Variants in NBAS observed in about 807,000 individuals in gnomAD.
The protein encoded by NBAS is NAG/BC035112 fusion.
NBAS carries 219 observed loss-of-function variants against 302.5 expected under a neutral mutation model. The observed-to-expected ratio is 0.72, with a 90% CI of 0.65 to 0.81. The LOEUF is 0.81. Among genes scored for constraint, NBAS ranks in the 30% least tolerant of loss-of-function variants. The pLI is 0.00. For missense variants in NBAS, 2,932 were observed against 2,841.6 expected, an observed-to-expected ratio of 1.03 and a Z score of -0.72; for synonymous variants, 1,118 against 1,021.6, an observed-to-expected ratio of 1.09 and a Z score of -1.80.
At chr2:15,532,942 C>A (rs1663292539) in intron 9 of NBAS, among the ~76,000 whole-genome samples, 1 of 151,742 alleles carries the variant, frequency 6.6e-6, no homozygotes, top group African/African-American at 2.4e-5. Context: ...CAACAAACCC[C>A]CTATCAAAAG....
chr2:15,287,295 G>A (rs1670090531), intron 41 of NBAS, 112 bp from the exon 42 acceptor site: 4 of 784,998 alleles, frequency 5.1e-6, no homozygotes, highest in Non-Finnish European at 6.7e-6. Flanking sequence ...TGCAAGCAGT[G>A]TGGTCCTTAA....
chr2:15,523,494 T>C (rs921509145), intron 9 of NBAS, among the ~76,000 whole-genome samples: 4 of 152,154 alleles, frequency 2.6e-5, no homozygotes, highest in African/African-American at 7.2e-5. Flanking sequence ...AGGATGTGCA[T>C]AGATTATATG....
the NBAS span, among the ~76,000 whole-genome samples, chr2:15,091,548 T>C: frequency 2.6e-5 from 4 of 152,102 alleles, no homozygotes; most frequent in African/African-American, 4.8e-5. Flanking sequence ...TCTTTTTTTT[T>C]TTGAGTTGGA....
intron 9 of NBAS, among the ~76,000 whole-genome samples, chr2:15,522,341 T>C (rs1004641969): frequency 6.6e-6 from 1 of 152,114 alleles, no homozygotes; most frequent in Non-Finnish European, 1.5e-5. Context: ...TTGAGAATTA[T>C]CTAACATAAA....
rs1043476990 is a variant in NBAS, at chr2:15,299,343, G to A, written c.4798-6577C>T. On this transcript the variant is annotated intron_variant, in intron 40 of 51. Coordinates refer to ENST00000281513, the MANE Select transcript of NBAS (RefSeq NM_015909.4). ...CTTTAAAGAATATGGTCAAATCCCC[G>A]TAAAAACAAAATGTGCATAAATATT... 6.4e-4 allele frequency among the ~76,000 whole-genome samples: 98 copies of A among 152,076 alleles called. 1 individual carries two copies. Among genetic ancestry groups the A allele is most frequent in the African/African-American group, 1.4e-4 (6 of 41,414 alleles).
intron 9 of NBAS, among the ~76,000 whole-genome samples, chr2:15,524,726 G>A (rs573966582): frequency 1.1e-4 from 16 of 152,120 alleles, no homozygotes; most frequent in Admixed American, 7.2e-4. Context: ...ATCTCCCAGA[G>A]CTTAGCACAA....
At chr2:15,533,138 T>C (rs1390525472) in intron 9 of NBAS, among the ~76,000 whole-genome samples, 1 of 151,932 alleles carries the variant, frequency 6.6e-6, no homozygotes, top group East Asian at 1.9e-4. Flanking sequence ...AACGAGAATG[T>C]GAAACGAGAG....
intron 9 of NBAS, among the ~76,000 whole-genome samples, chr2:15,528,878 A>AAT (rs57028015): frequency 0.022 from 2,644 of 121,408 alleles, 172 homozygotes; most frequent in East Asian, 0.21. Flanking sequence ...AAAAAAAAAA[A>AAT]ATATATATAT....
At chr2:15,461,599 A>G (rs1679508244) in intron 20 of NBAS, 88 bp downstream of exon 20, 2 of 832,492 alleles carry the variant, frequency 2.4e-6, no homozygotes, top group East Asian at 5.3e-5. Flanking sequence ...AAAATGTAAT[A>G]TATGCACACA....
chr2:14,833,850 T>A, the NBAS span, among the ~76,000 whole-genome samples: 2 of 152,182 alleles, frequency 1.3e-5, no homozygotes, highest in East Asian at 3.9e-4. Context: ...TTTTTCTAAA[T>A]CACTTGTTCT....
chr2:15,157,928 G>A, the NBAS span, among the ~76,000 whole-genome samples: 12 of 152,256 alleles, frequency 7.9e-5, no homozygotes, highest in Non-Finnish European at 1.6e-4. Flanking sequence ...CCAAGCATGC[G>A]CCTTGTAAAC....
At chr2:15,416,566 G>A (rs895017811) in intron 24 of NBAS, among the ~76,000 whole-genome samples, 1 of 152,144 alleles carries the variant, frequency 6.6e-6, no homozygotes, top group African/African-American at 2.4e-5. Flanking sequence ...CACTTTGGGA[G>A]GCCTAGGCAG....
At chr2:15,371,450 G>A (rs899129131) in intron 31 of NBAS, among the ~76,000 whole-genome samples, 7 of 152,210 alleles carry the variant, frequency 4.6e-5, no homozygotes, top group Non-Finnish European at 8.8e-5. Context: ...ATTACCTACC[G>A]CCATATTCAC....
the NBAS span, among the ~76,000 whole-genome samples, chr2:14,935,464 T>G: frequency 2.0e-5 from 3 of 152,336 alleles, no homozygotes; most frequent in African/African-American, 4.8e-5. Flanking sequence ...TGCTTTGTTG[T>G]TCATCTTGGT....
intron 21 of NBAS, among the ~76,000 whole-genome samples, chr2:15,437,179 G>A (rs1441062035): frequency 6.6e-6 from 1 of 151,694 alleles, no homozygotes; most frequent in Non-Finnish European, 1.5e-5. Flanking sequence ...GAGCACTTAT[G>A]AGTACAAAGA....
intron 44 of NBAS, among the ~76,000 whole-genome samples, chr2:15,243,342 C>T (rs1467539347): frequency 6.6e-6 from 1 of 151,950 alleles, no homozygotes; most frequent in Admixed American, 6.6e-5. Context: ...CTTTTTTAAC[C>T]ACAACAATTA....
Position 15,233,041 on chromosome 2 carries a change from GA to G in NBAS, c.6147-531del, listed in dbSNP as rs1206748619. The stretch of plus-strand genomic sequence containing the variant: ...TAGTGAATTCTGAAAATGCAACAGA[GA>G]AAAAAAATATTTTCGATGAGTTTTT... On this transcript the variant is annotated intron_variant, in intron 46 of 51. Transcript: ENST00000281513. 1.4e-4 allele frequency among the ~76,000 whole-genome samples: 21 copies of G among 151,558 alleles called. No homozygotes were observed. The East Asian group carries it at 3.5e-3, about 25-fold the overall frequency.
chr2:14,787,552 A>G, the NBAS span, among the ~76,000 whole-genome samples: 1,609 of 152,234 alleles, frequency 0.011, 30 homozygotes, highest in African/African-American at 0.036. Context: ...GCTTGCCTGT[A>G]AAGTATTTTA....
At chr2:14,897,638 C>G in the NBAS span, among the ~76,000 whole-genome samples, 4 of 150,720 alleles carry the variant, frequency 2.7e-5, no homozygotes, top group Non-Finnish European at 5.9e-5. Flanking sequence ...CCAAAGACAG[C>G]ACACAATATT....
Sources: gnomAD v4.1 joint callset for allele counts (sites outside exome capture counted in the v4.1 genomes callset) on GRCh38, gnomAD v4.1.1 for gene constraint, MANE v1.5 for transcripts, NCBI Gene and HGNC (gene_info 2026-07-23, HGNC 2026-07-21) for gene names.